ORC2: variants seen among roughly 807,000 people sequenced by gnomAD.
The protein encoded by ORC2 is origin recognition complex protein 2 homolog.
A neutral mutation model predicts 77.7 loss-of-function variants in ORC2; 37 were observed. The ratio of observed to expected loss-of-function variants is 0.48; its 90% confidence interval spans 0.37 to 0.63. ORC2 has a LOEUF of 0.63. Among genes scored for constraint, ORC2 ranks in the 20% least tolerant of loss-of-function variants. The probability of loss-of-function intolerance (pLI) is 0.00; values close to 1 mark genes in which losing one functional copy is unlikely to be tolerated. For synonymous variants in ORC2, 201 were observed against 229.5 expected (o/e 0.88, Z 1.12); for missense variants, 557 against 661.9 (o/e 0.84, Z 1.74).
At chr2:200,932,298 T>C (rs2040956819) in intron 10 of ORC2, among the ~76,000 whole-genome samples, 2 of 151,536 alleles carry the variant, frequency 1.3e-5, no homozygotes, top group African/African-American at 4.8e-5. Flanking sequence ...GTGTGAACAC[T>C]AGAATGTTAT....
chr2:200,917,973 A>G (rs2124936935), intron 15 of ORC2, among the ~76,000 whole-genome samples: 1 of 151,646 alleles, frequency 6.6e-6, no homozygotes, highest in East Asian at 1.9e-4. Context: ...ATTCTTCTCC[A>G]GGGTTGGTAC....
intron 9 of ORC2, among the ~76,000 whole-genome samples, chr2:200,934,448 G>A (rs2040997469): frequency 6.6e-6 from 1 of 151,644 alleles, no homozygotes; most frequent in Admixed American, 6.6e-5. Flanking sequence ...CCAAGTAGCT[G>A]GGACTACAGG....
chr2:200,915,557 TG>T (rs1246596159), intron 15 of ORC2, among the ~76,000 whole-genome samples: 1 of 152,222 alleles, frequency 6.6e-6, no homozygotes, highest in Non-Finnish European at 1.5e-5. Context: ...AGTAGAATTA[TG>T]GGGTTAGAAG....
chr2:200,927,583 G>C (rs1321337791), intron 11 of ORC2, among the ~76,000 whole-genome samples: 5 of 150,066 alleles, frequency 3.3e-5, no homozygotes, highest in African/African-American at 9.8e-5. Context: ...CCAGCTACTT[G>C]GGAGGCTGAG....
intron 15 of ORC2, among the ~76,000 whole-genome samples, chr2:200,917,354 G>A (rs538149073): frequency 1.3e-5 from 2 of 152,008 alleles, no homozygotes; most frequent in South Asian, 2.1e-4. Context: ...TGGGGTCTAC[G>A]TTGCCCAGGT....
chr2:200,945,372 A>G (rs767498911), intron 5 of ORC2, among the ~76,000 whole-genome samples: 1 of 152,150 alleles, frequency 6.6e-6, no homozygotes, highest in Non-Finnish European at 1.5e-5. Flanking sequence ...ACTGGGCAAC[A>G]TGAAGAAACC....
intron 2 of ORC2, 73 bp downstream of exon 2, chr2:200,959,319 A>C (rs1276229734): frequency 6.6e-6 from 1 of 152,234 alleles, no homozygotes; most frequent in Non-Finnish European, 1.5e-5. Context: ...GCAGGAAGAA[A>C]ACTAATTCAA....
At chr2:200,948,115 G>A (rs1359501756) in intron 5 of ORC2, among the ~76,000 whole-genome samples, 1 of 151,488 alleles carries the variant, frequency 6.6e-6, no homozygotes, top group Non-Finnish European at 1.5e-5. Flanking sequence ...GGGTTTCACT[G>A]TGTTAGCCAG....
chr2:200,927,015 G>A (rs543712474), intron 11 of ORC2, 115 bp from the exon 12 acceptor site: 44 of 1,103,262 alleles, frequency 4.0e-5, no homozygotes, highest in Non-Finnish European at 5.0e-5. Context: ...AGGGGTAGGC[G>A]CACTGGCTCA....
intron 1 of ORC2, among the ~76,000 whole-genome samples, chr2:200,961,672 A>C (rs1274854750): frequency 1.3e-5 from 2 of 152,220 alleles, no homozygotes; most frequent in Non-Finnish European, 1.5e-5. Flanking sequence ...ATTTTACTTA[A>C]TTATACACTG....
At chr2:200,919,334 C>G (rs2040716272) in intron 15 of ORC2, among the ~76,000 whole-genome samples, 1 of 152,028 alleles carries the variant, frequency 6.6e-6, no homozygotes, top group Non-Finnish European at 1.5e-5. Flanking sequence ...TTACTAAAAG[C>G]TTCTTTCAAC....
intron 6 of ORC2, 103 bp downstream of exon 6, chr2:200,942,582 G>T (rs554026388): frequency 8.7e-5 from 48 of 550,896 alleles, no homozygotes; most frequent in African/African-American, 8.1e-4. Flanking sequence ...TTTCAGAAAA[G>T]AAGAAAATAT....
intron 10 of ORC2, 113 bp from the exon 11 acceptor site, chr2:200,931,561 T>C: frequency 3.8e-6 from 2 of 532,554 alleles, no homozygotes; most frequent in East Asian, 3.4e-5. Flanking sequence ...AATTGGAATA[T>C]TACTTTAATC....
intron 15 of ORC2, among the ~76,000 whole-genome samples, chr2:200,914,227 A>G (rs10172647): frequency 0.32 from 46,735 of 147,220 alleles, 9,656 homozygotes; most frequent in African/African-American, 0.6. Flanking sequence ...ATGCAGTGGC[A>G]TGATCTTGGC....
chr2:200,942,634 T>A, intron 6 of ORC2, 51 bp downstream of exon 6: 1 of 975,700 alleles, frequency 1.0e-6, no homozygotes, highest in Non-Finnish European at 1.6e-6. Flanking sequence ...ACATGCTCTA[T>A]CTTGAAGCAA....
intron 1 of ORC2, among the ~76,000 whole-genome samples, chr2:200,959,847 T>A (rs1559026756): frequency 2.0e-5 from 3 of 152,000 alleles, no homozygotes; most frequent in Non-Finnish European, 4.4e-5. Context: ...GGGGGATCCC[T>A]TGAGGCCAGG....
intron 4 of ORC2, among the ~76,000 whole-genome samples, chr2:200,954,230 C>T (rs1170584006): frequency 7.2e-5 from 11 of 151,936 alleles, no homozygotes; most frequent in African/African-American, 1.9e-4. Flanking sequence ...GACACGGTTT[C>T]GCCATGTTGG....
intron 7 of ORC2, among the ~76,000 whole-genome samples, 155 bp from the exon 8 acceptor site, chr2:200,938,121 T>C (rs1178260867): frequency 6.6e-6 from 1 of 152,122 alleles, no homozygotes; most frequent in African/African-American, 2.4e-5. Context: ...TTATGACAAA[T>C]GGGTTCAAAC....
intron 7 of ORC2, among the ~76,000 whole-genome samples, chr2:200,938,911 T>G (rs2041098253): frequency 6.6e-6 from 1 of 151,944 alleles, no homozygotes; most frequent in South Asian, 2.1e-4. Context: ...TGCTGGTGCA[T>G]GCCTGTAATC....
Sources: gnomAD v4.1 joint callset for allele counts (sites outside exome capture counted in the v4.1 genomes callset) on GRCh38, gnomAD v4.1.1 for gene constraint, MANE v1.5 for transcripts, NCBI Gene and HGNC (gene_info 2026-07-23, HGNC 2026-07-21) for gene names.